UBN2: variants seen among roughly 807,000 people sequenced by gnomAD.
UBN2 encodes the protein ubinuclein-2.
In UBN2, 35 loss-of-function variants were observed where a neutral mutation model predicts 120.2. The observed-to-expected ratio is 0.29, with a 90% CI of 0.22 to 0.39. The LOEUF is 0.39. Among genes scored for constraint, UBN2 ranks in the 10% least tolerant of loss-of-function variants. UBN2 has a pLI of 1.00. For synonymous variants in UBN2, 661 were observed against 648.7 expected (o/e 1.02, Z -0.29); for missense variants, 1,693 against 1,663.2 (o/e 1.02, Z -0.31).
intron 8 of UBN2, among the ~76,000 whole-genome samples, chr7:139,272,108 A>T (rs1335035010): frequency 6.6e-6 from 1 of 151,938 alleles, no homozygotes; most frequent in East Asian, 1.9e-4. Flanking sequence ...AAAAACTGGA[A>T]CTCTTCTTGG....
At chr7:139,271,640 T>TA (rs1230187069) in intron 8 of UBN2, among the ~76,000 whole-genome samples, 1 of 152,124 alleles carries the variant, frequency 6.6e-6, no homozygotes, top group Non-Finnish European at 1.5e-5. Flanking sequence ...TTTCTGCACC[T>TA]ATGATGGTGA....
At chr7:139,232,298 G>A (rs1472049144) in intron 1 of UBN2, among the ~76,000 whole-genome samples, 1 of 152,246 alleles carries the variant, frequency 6.6e-6, no homozygotes, top group Non-Finnish European at 1.5e-5. Flanking sequence ...AGGCCGTGTG[G>A]CTGGGTTCTC....
chr7:139,311,241 C>T (rs1031462060), downstream of UBN2, among the ~76,000 whole-genome samples: 11 of 152,230 alleles, frequency 7.2e-5, no homozygotes, highest in African/African-American at 1.2e-4. Context: ...CTCAGGCAGG[C>T]ATACTCTGAC....
intron 6 of UBN2, among the ~76,000 whole-genome samples, chr7:139,262,769 A>G (rs193146228): frequency 1.2e-4 from 19 of 152,050 alleles, no homozygotes; most frequent in Non-Finnish European, 2.1e-4. Flanking sequence ...TGATAACATC[A>G]ATAGAGTTGG....
chr7:139,316,705 A>T, the UBN2 span, among the ~76,000 whole-genome samples: 1 of 151,982 alleles, frequency 6.6e-6, no homozygotes, highest in Non-Finnish European at 1.5e-5. Flanking sequence ...GAATCACGCC[A>T]CTGCACTCCA....
At chr7:139,239,551 CTTTTT>C (rs774812960) in intron 2 of UBN2, among the ~76,000 whole-genome samples, 1 of 94,580 alleles carries the variant, frequency 1.1e-5, no homozygotes, top group African/African-American at 4.6e-5. Flanking sequence ...ATTAGAGTGT[CTTTTT>C]TTTTTTTTTT....
chr7:139,274,139 A>G, intron 11 of UBN2, 65 bp downstream of exon 11: 4 of 1,418,774 alleles, frequency 2.8e-6, no homozygotes, highest in Non-Finnish European at 3.8e-6. Context: ...AAAGATATAC[A>G]TACACATACA....
intron 1 of UBN2, among the ~76,000 whole-genome samples, chr7:139,233,533 CAG>C (rs1796083730): frequency 6.6e-6 from 1 of 152,136 alleles, no homozygotes; most frequent in Admixed American, 6.5e-5. Flanking sequence ...AGTAGTCCAA[CAG>C]AACTCCACGA....
At chr7:139,277,449 C>A (rs1032432894) in intron 12 of UBN2, 6 of 151,916 alleles carry the variant, frequency 3.9e-5, no homozygotes, top group Non-Finnish European at 8.8e-5. Context: ...TGTATTCTTA[C>A]AATAAAGTAA....
chr7:139,274,070 G>T lies in UBN2; in HGVS notation c.1969G>T (p.Ala657Ser). The change falls in exon 11 of 18, where the codon GCA becomes TCA. Residue 657 changes from alanine to serine, a missense_variant. Around this residue, in one of 5 missense-constraint regions of UBN2, gnomAD observed 10 missense variants for 34.3 expected, o/e 0.29. Transcript: ENST00000473989. ...KPLWPKGWMQ[A>S]RMLFKESRSV... ...CCTGTGGCCTAAGGGCTGGATGCAG[G>T]CAAGGTAAGAAATGTGACTTACTGG... 6.3e-7 allele frequency: 1 copy of T among 1,586,428 alleles called. No individual in the cohort carries two copies. Among genetic ancestry groups the T allele is most frequent in the Non-Finnish European group, 8.5e-7 (1 of 1,172,958 alleles).
At position 139,231,488 on chromosome 7, in the gene UBN2, G is replaced by T; in HGVS notation, c.4G>T (p.Ala2Ser). 1 of 1,383,570 alleles carries T rather than the reference G, an allele frequency of 7.2e-7. No homozygotes were observed. The allele number at this position is 1,383,570 out of a possible 1,614,324, so 85.7% of individuals were successfully genotyped here. The change falls in exon 1 of 18, where the codon GCG becomes TCG. Residue 2 changes from alanine (A) to serine (S), a missense_variant. Around this residue, in one of 5 missense-constraint regions of UBN2, gnomAD observed 663 missense variants for 591.2 expected, o/e 1.12. Coordinates refer to ENST00000473989, the MANE Select transcript of UBN2 (RefSeq NM_173569.4). The stretch of plus-strand genomic sequence containing the variant: ...GCGGAGGGCCAGAACAGTGGGGATG[G>T]CGGAGCCGCGCAGAGTAGCGTTCAT... Reference protein sequence around the residue: MAEPRRVAFISL... With the variant: MSEPRRVAFISL...
intron 6 of UBN2, among the ~76,000 whole-genome samples, chr7:139,262,784 T>A (rs1194996374): frequency 6.6e-6 from 1 of 152,036 alleles, no homozygotes; most frequent in African/African-American, 2.4e-5. Context: ...AGTTGGTTCT[T>A]TTATTATTAA....
Position 139,284,324 on chromosome 7 carries a change from C to G in UBN2, c.3419C>G (p.Thr1140Arg). ...AGTCGCACTTCAGGCCTTCCACCTA[C>G]AAAAAATCTTCAGGCCCCCTCAAAG... Reference protein sequence around the residue: ...PSSRTSGLPPTKNLQAPSKLT... With the variant: ...PSSRTSGLPPRKNLQAPSKLT... Residue 1140 changes from threonine (T) to arginine (R), a missense_variant, in exon 15 of 18, where the codon ACA becomes AGA. By Grantham distance (71) the Thr-to-Arg change is moderately conservative (BLOSUM62 -1). Around this residue, in one of 5 missense-constraint regions of UBN2, gnomAD observed 837 missense variants for 817.6 expected, o/e 1.02. Coordinates refer to ENST00000473989, the MANE Select transcript of UBN2 (RefSeq NM_173569.4). The G allele has an allele frequency of 2.5e-6, 4 of 1,614,130 alleles. No homozygotes were observed. Among genetic ancestry groups the G allele is most frequent in the Non-Finnish European group, 3.4e-6 (4 of 1,180,022 alleles).
rs925326376 is a variant in UBN2 at position 139,297,981 on chromosome 7, AAAG to A, written c.*148_*150del. The A allele has an allele frequency of 3.0e-5, 26 of 870,670 alleles. No homozygotes were observed. In the African/African-American group the frequency reaches 4.4e-4, roughly 15 times the overall value. 53.9% of individuals were successfully genotyped at this position (870,670 alleles called of 1,614,324 possible). On this transcript the variant is annotated 3_prime_UTR_variant, in exon 18 of 18. Transcript: ENST00000473989. ...AGCACTGTGGTGAGGAGGAAAAAGA[AAAG>A]AAAACATTACTTGAGCAAAGCCAGG...
intron 7 of UBN2, among the ~76,000 whole-genome samples, chr7:139,267,557 A>G (rs1044915198): frequency 2.0e-5 from 3 of 151,894 alleles, no homozygotes; most frequent in South Asian, 4.2e-4. Context: ...AAAGAGAGAA[A>G]GAGAGAAGGA....
Position 139,269,495 on chromosome 7 carries a change from G to A in UBN2, c.1568G>A (p.Arg523His), listed in dbSNP as rs750387194. 20 of 1,614,008 alleles carry A rather than the reference G, an allele frequency of 1.2e-5. No individual in the cohort carries two copies. The highest frequency in any genetic ancestry group is 1.6e-5 in the Non-Finnish European group (19 of 1,179,968). Reference sequence around the variant, plus strand: ...TGCAATAAAGAAACACTAGTAAAACGTCTGAAGAAGTTACATCTCAATGTC... The same window carrying A: ...TGCAATAAAGAAACACTAGTAAAACATCTGAAGAAGTTACATCTCAATGTC... Reference protein sequence around the residue: ...VPCNKETLVKRLKKLHLNVQD... With the variant: ...VPCNKETLVKHLKKLHLNVQD... The change falls in exon 8 of 18, where the codon CGT becomes CAT. Residue 523 changes from arginine to histidine, a missense_variant. Arg to His is a conservative substitution (Grantham distance 29). This residue lies in a region of UBN2 where 178 missense variants were observed against 204.0 expected (regional missense o/e 0.87). Transcript: ENST00000473989.
Position 139,231,336 on chromosome 7 carries a change from T to G in UBN2, c.-149T>G. On this transcript the variant is annotated 5_prime_UTR_variant, in exon 1 of 18. Coordinates refer to ENST00000473989, the MANE Select transcript of UBN2 (RefSeq NM_173569.4). ...CGTAGTAGCGGGGAAGGGGACACGG[T>G]CCGCACTCACCGTGGCGCCGGCGGA... 1 of 601,960 alleles carries G rather than the reference T, an allele frequency of 1.7e-6. No individual in the cohort carries two copies. Among genetic ancestry groups the G allele is most frequent in the Non-Finnish European group, 2.4e-6 (1 of 411,598 alleles). 37.3% of individuals were successfully genotyped at this position (601,960 alleles called of 1,614,324 possible).
intron 9 of UBN2, 82 bp downstream of exon 9, chr7:139,272,522 G>T: frequency 1.2e-6 from 1 of 841,814 alleles, no homozygotes; most frequent in Non-Finnish European, 1.8e-6. Context: ...ATGTATGTAT[G>T]TATGTATGTA....
In UBN2 at chr7:139,238,914, T is replaced by TA. The variant is rs201256165; in HGVS notation, c.561+1821dup. Among the ~76,000 whole-genome samples, 612 of 152,322 alleles carry TA rather than the reference T, an allele frequency of 4.0e-3. 10 individuals carry two copies. Among genetic ancestry groups the TA allele is most frequent in the East Asian group, 0.02 (104 of 5,188 alleles). ...ATATTGTATCATGATGTATAAATTG[T>TA]AAAATCCTATAGGATGTATAAATCC... On this transcript the variant is annotated intron_variant, in intron 2 of 17. Transcript: ENST00000473989.
Sources: allele counts gnomAD v4.1 joint callset (sites outside exome capture counted in the v4.1 genomes callset), GRCh38; gene constraint gnomAD v4.1.1; regional missense constraint gnomAD v4.1.1; transcripts MANE v1.5; gene names NCBI Gene and HGNC (gene_info 2026-07-23, HGNC 2026-07-21).